The following RTN4IP1 variants were observed in gnomAD, a reference collection of about 807,000 sequenced individuals.
The protein encoded by RTN4IP1 is NAD(P)H oxidoreductase RTN4IP1, mitochondrial.
A neutral mutation model predicts 46.6 loss-of-function variants in RTN4IP1; 32 were observed. The ratio of observed to expected loss-of-function variants is 0.69; its 90% CI spans 0.52 to 0.92. The LOEUF (loss-of-function observed/expected upper bound fraction) is 0.92. Ranked by LOEUF, RTN4IP1 falls within the 40% of genes least tolerant of loss-of-function variation. The pLI is 0.00. For synonymous variants in RTN4IP1, 167 were observed against 161.8 expected (o/e 1.03, Z -0.24); for missense variants, 424 against 485.8 (o/e 0.87, Z 1.20).
Position 106,571,697 on chromosome 6 carries a change from A to G in RTN4IP1, c.*299T>C, listed in dbSNP as rs905497919. Reference sequence around the variant, plus strand: ...CACAGCGAGACCCTGTCTCTAAAACAAAAAAGACAATAAAGTAGTTTAAGC... The same window carrying G: ...CACAGCGAGACCCTGTCTCTAAAACGAAAAAGACAATAAAGTAGTTTAAGC... On this transcript the variant is annotated 3_prime_UTR_variant, in exon 9 of 9. Coordinates refer to ENST00000369063, the MANE Select transcript of RTN4IP1 (RefSeq NM_032730.5). 37 of 297,234 alleles carry G rather than the reference A, an allele frequency of 1.2e-4. 1 individual carries two copies. In the Admixed American group the frequency reaches 1.8e-3, roughly 14 times the overall value. 18.4% of individuals were successfully genotyped at this position (297,234 alleles called of 1,614,324 possible). A position where few individuals can be genotyped will look rare whatever the true frequency, so the allele number is the denominator to read the frequency against.
chr6:106,578,681 G>C (rs1484214864), intron 8 of RTN4IP1, among the ~76,000 whole-genome samples: 1 of 152,198 alleles, frequency 6.6e-6, no homozygotes, highest in Admixed American at 6.5e-5. Context: ...GTGTGGAGCA[G>C]CTGCGGGGAA....
intron 7 of RTN4IP1, among the ~76,000 whole-genome samples, chr6:106,586,263 C>T (rs1257179588): frequency 6.6e-6 from 1 of 152,190 alleles, no homozygotes; most frequent in African/African-American, 2.4e-5. Flanking sequence ...ATCTCACAAA[C>T]GTGGGTCAGC....
At chr6:106,624,244 T>C (rs6927342) in intron 1 of RTN4IP1, among the ~76,000 whole-genome samples, 59,997 of 151,820 alleles carry the variant, frequency 0.4, 13,456 homozygotes, top group East Asian at 0.63. Flanking sequence ...TTAGTAGAGA[T>C]GGGATTTCAC....
intron 4 of RTN4IP1, 78 bp downstream of exon 4, chr6:106,619,124 C>T: frequency 1.3e-6 from 2 of 1,507,916 alleles, no homozygotes; most frequent in Non-Finnish European, 1.8e-6. Flanking sequence ...AATTTCAAAG[C>T]TCTGACAAAT....
At chr6:106,594,946 C>T (rs1471888816) in intron 5 of RTN4IP1, among the ~76,000 whole-genome samples, 3 of 151,974 alleles carry the variant, frequency 2.0e-5, no homozygotes, top group African/African-American at 7.3e-5. Flanking sequence ...GCACTACAGG[C>T]ACGTCACACC....
At chr6:106,605,406 C>T (rs994911561) in intron 4 of RTN4IP1, among the ~76,000 whole-genome samples, 4 of 143,260 alleles carry the variant, frequency 2.8e-5, no homozygotes, top group Non-Finnish European at 6.1e-5. Context: ...AGCCTGGCAA[C>T]AGAGCGAGAC....
At chr6:106,586,134 C>A (rs1047509937) in intron 7 of RTN4IP1, among the ~76,000 whole-genome samples, 5 of 152,184 alleles carry the variant, frequency 3.3e-5, no homozygotes, top group African/African-American at 1.2e-4. Context: ...TTTGTTACGA[C>A]CTCTAAGTAC....
chr6:106,601,676 T>C (rs1027527769), intron 5 of RTN4IP1, among the ~76,000 whole-genome samples: 4 of 152,202 alleles, frequency 2.6e-5, no homozygotes, highest in African/African-American at 9.7e-5. Context: ...AGTGGCGTGA[T>C]CTAGGCTTAC....
chr6:106,595,330 T>C (rs1172556582), intron 5 of RTN4IP1, among the ~76,000 whole-genome samples: 1 of 152,124 alleles, frequency 6.6e-6, no homozygotes, highest in East Asian at 1.9e-4. Flanking sequence ...TTAGCAAAAC[T>C]ATGGACAGTG....
chr6:106,588,253 AG>A (rs1165269342), intron 6 of RTN4IP1, among the ~76,000 whole-genome samples: 1 of 152,254 alleles, frequency 6.6e-6, no homozygotes, highest in Non-Finnish European at 1.5e-5. Context: ...AAGGTTGCCA[AG>A]GTTGAGAAAG....
chr6:106,573,591 C>T (rs972702402), intron 8 of RTN4IP1, among the ~76,000 whole-genome samples: 38 of 152,198 alleles, frequency 2.5e-4, no homozygotes, highest in African/African-American at 9.2e-4. Context: ...CTCATTTAAT[C>T]CCCATAACCA....
chr6:106,597,530 G>C (rs1172606146), intron 5 of RTN4IP1, among the ~76,000 whole-genome samples: 1 of 151,936 alleles, frequency 6.6e-6, no homozygotes, highest in Admixed American at 6.6e-5. Flanking sequence ...TTTTTGTAGA[G>C]ACGAGGTTTT....
intron 4 of RTN4IP1, among the ~76,000 whole-genome samples, chr6:106,603,632 A>G (rs1286070493): frequency 1.3e-5 from 2 of 152,320 alleles, no homozygotes; most frequent in East Asian, 1.9e-4. Flanking sequence ...CTAAAATAAC[A>G]TGTAAAATTT....
rs1230504898 is a variant in RTN4IP1, at chr6:106,571,879, T to C, written c.*117A>G. 1.6e-6 allele frequency: 1 copy of C among 639,008 alleles called. No homozygotes were observed. Among genetic ancestry groups the C allele is most frequent in the East Asian group, 2.7e-5 (1 of 36,970 alleles). 39.6% of individuals were successfully genotyped at this position (639,008 alleles called of 1,614,324 possible). A position where few individuals can be genotyped will look rare whatever the true frequency, so the allele number is the denominator to read the frequency against. On this transcript the variant is annotated 3_prime_UTR_variant, in exon 9 of 9. Coordinates refer to ENST00000369063, the MANE Select transcript of RTN4IP1 (RefSeq NM_032730.5). ...GTGTGTTTATTTTTTAAAGCTTGTA[T>C]CATGGAATGTATAATCTAATCTGGA...
intron 8 of RTN4IP1, among the ~76,000 whole-genome samples, chr6:106,580,895 C>G (rs969349775): frequency 1.3e-5 from 2 of 151,156 alleles, no homozygotes; most frequent in Admixed American, 1.3e-4. Flanking sequence ...ATGGTACACC[C>G]ATACAAATAC....
At chr6:106,577,129 A>G (rs141868842) in intron 8 of RTN4IP1, among the ~76,000 whole-genome samples, 3 of 152,270 alleles carry the variant, frequency 2.0e-5, no homozygotes, top group East Asian at 3.9e-4. Context: ...ACATGTATCA[A>G]TAAACATTCA....
intron 3 of RTN4IP1, 66 bp from the exon 4 acceptor site, chr6:106,619,392 A>G: frequency 6.3e-7 from 1 of 1,577,244 alleles, no homozygotes; most frequent in South Asian, 1.1e-5. Context: ...AATTAAGCAC[A>G]TTTACCTTCA....
chr6:106,591,101 C>T (rs1775650237), intron 6 of RTN4IP1, among the ~76,000 whole-genome samples: 1 of 152,208 alleles, frequency 6.6e-6, no homozygotes, highest in South Asian at 2.1e-4. Context: ...AGCCTCCACT[C>T]AAATGTTGCT....
At chr6:106,594,297 C>T (rs1582870740) in intron 5 of RTN4IP1, among the ~76,000 whole-genome samples, 1 of 152,134 alleles carries the variant, frequency 6.6e-6, no homozygotes, top group African/African-American at 2.4e-5. Context: ...CACTTGAGCT[C>T]AGGAGTCTGA....
Sources: allele counts gnomAD v4.1 joint callset (sites outside exome capture counted in the v4.1 genomes callset), GRCh38; gene constraint gnomAD v4.1.1; transcripts MANE v1.5; gene names NCBI Gene and HGNC (gene_info 2026-07-23, HGNC 2026-07-21).